The following KIAA1328 variants were observed in gnomAD, a reference collection of about 807,000 sequenced individuals.
KIAA1328 encodes KIAA1328, also known as protein hinderin.
KIAA1328 carries 52 observed loss-of-function variants against 68.1 expected under a neutral mutation model. The observed-to-expected ratio is 0.76, with a 90% CI of 0.61 to 0.96. KIAA1328 has a LOEUF of 0.96. KIAA1328 is among the 40% of genes least tolerant of loss of function. The pLI, the probability that KIAA1328 is intolerant of heterozygous loss-of-function variation, is 0.00. For synonymous variants in KIAA1328, 232 were observed against 239.4 expected (o/e 0.97, Z 0.28); for missense variants, 641 against 677.6 (o/e 0.95, Z 0.60).
At chr18:37,063,583 C>T (rs8086264) in intron 6 of KIAA1328, 159,675 of 962,392 alleles carry the variant, frequency 0.17, 19,310 homozygotes, top group African/African-American at 0.6. Context: ...GTGAGAATCA[C>T]GGGGAGCATC....
At position 37,222,497 on chromosome 18, in the gene KIAA1328, C is replaced by T; in HGVS notation, c.*270C>T. The T allele has an allele frequency of 1.6e-6, 2 of 1,251,312 alleles. No homozygotes were observed. The highest frequency in any genetic ancestry group is 8.0e-5 in the East Asian group (2 of 25,014). The allele number at this position is 1,251,312 out of a possible 1,614,324, so 77.5% of individuals were successfully genotyped here. A position where few individuals can be genotyped will look rare whatever the true frequency, so the allele number is the denominator to read the frequency against. Reference sequence around the variant, plus strand: ...TTAGAAAATTAACATAGGATACTTTCTGCGTGGTGGAAACCATTGCATATT... The same window carrying T: ...TTAGAAAATTAACATAGGATACTTTTTGCGTGGTGGAAACCATTGCATATT... On this transcript the variant is annotated 3_prime_UTR_variant, in exon 10 of 10. Coordinates refer to ENST00000280020, the MANE Select transcript of KIAA1328 (RefSeq NM_020776.3).
intron 4 of KIAA1328, among the ~76,000 whole-genome samples, chr18:36,875,445 A>C (rs1292268829): frequency 6.6e-6 from 1 of 152,098 alleles, no homozygotes; most frequent in East Asian, 1.9e-4. Context: ...ATGGGAGTTC[A>C]CTCATGATTT....
intron 4 of KIAA1328, among the ~76,000 whole-genome samples, chr18:36,868,258 A>C (rs1444051200): frequency 5.9e-5 from 9 of 152,190 alleles, no homozygotes; most frequent in African/African-American, 2.2e-4. Context: ...GGTTTCCCTG[A>C]GGTGTCCAGA....
At chr18:36,895,632 G>A (rs141430124) in intron 5 of KIAA1328, 73 of 379,154 alleles carry the variant, frequency 1.9e-4, no homozygotes, top group African/African-American at 1.3e-3. Flanking sequence ...TGCTATTCTG[G>A]GCTTAGCAAG....
At chr18:36,857,629 A>G (rs1369390835) in intron 4 of KIAA1328, among the ~76,000 whole-genome samples, 1 of 152,194 alleles carries the variant, frequency 6.6e-6, no homozygotes, top group Non-Finnish European at 1.5e-5. Flanking sequence ...TTCCTCATTA[A>G]GAACTCCCCT....
chr18:36,982,537 GAAAA>G (rs1184827359), intron 6 of KIAA1328, among the ~76,000 whole-genome samples: 1 of 149,104 alleles, frequency 6.7e-6, no homozygotes, highest in Non-Finnish European at 1.5e-5. Context: ...TCTATACCCA[GAAAA>G]AAAAACTTTA....
intron 9 of KIAA1328, among the ~76,000 whole-genome samples, chr18:37,206,227 G>T (rs971441836): frequency 2.0e-5 from 3 of 152,094 alleles, no homozygotes; most frequent in Non-Finnish European, 2.9e-5. Context: ...GAATTCTAAG[G>T]TTTGGGATTT....
chr18:37,041,634 TTGTGTTTGTGTGTG>T (rs2151625128), intron 6 of KIAA1328, among the ~76,000 whole-genome samples: 2 of 90,666 alleles, frequency 2.2e-5, no homozygotes, highest in South Asian at 1.0e-3. Flanking sequence ...ACTGCCTTTT[TTGTGTTTGTGTGTG>T]TGTGTGTGTG....
At chr18:36,990,926 G>T (rs1248638776) in intron 6 of KIAA1328, among the ~76,000 whole-genome samples, 1 of 152,088 alleles carries the variant, frequency 6.6e-6, no homozygotes, top group East Asian at 1.9e-4. Context: ...GGCAGCCTTT[G>T]CCTTGCCCTC....
chr18:36,916,984 A>ACAAAG (rs902305043), intron 5 of KIAA1328, among the ~76,000 whole-genome samples: 4 of 152,074 alleles, frequency 2.6e-5, no homozygotes, highest in African/African-American at 9.7e-5. Context: ...ACAAAACAAA[A>ACAAAG]CAAAATTCCC....
chr18:36,927,224 T>C (rs1285979560), intron 5 of KIAA1328, among the ~76,000 whole-genome samples: 4 of 152,270 alleles, frequency 2.6e-5, no homozygotes, highest in Admixed American at 1.3e-4. Context: ...GTGACAAATA[T>C]ACCATGGTAA....
intron 5 of KIAA1328, among the ~76,000 whole-genome samples, chr18:36,924,282 G>A (rs1291028246): frequency 1.3e-5 from 2 of 152,066 alleles, no homozygotes; most frequent in African/African-American, 4.8e-5. Flanking sequence ...TTTGAGGGGT[G>A]AAATCAGTAT....
At chr18:37,218,486 A>G (rs929161136) in intron 9 of KIAA1328, among the ~76,000 whole-genome samples, 1 of 152,200 alleles carries the variant, frequency 6.6e-6, no homozygotes, top group Non-Finnish European at 1.5e-5. Flanking sequence ...ATGGCTGGCA[A>G]TTAAGGAGAC....
intron 9 of KIAA1328, chr18:37,193,725 A>G: frequency 3.1e-6 from 2 of 644,450 alleles, no homozygotes; most frequent in South Asian, 3.4e-5. Context: ...TTAAATACTC[A>G]CTTGTGAGAA....
intron 5 of KIAA1328, among the ~76,000 whole-genome samples, chr18:36,927,118 T>G (rs1598734878): frequency 6.6e-6 from 1 of 152,266 alleles, no homozygotes; most frequent in East Asian, 1.9e-4. Context: ...CCTTCAACAT[T>G]GGGAATCACA....
intron 6 of KIAA1328, among the ~76,000 whole-genome samples, chr18:37,008,383 AACTT>A (rs2053855746): frequency 6.6e-6 from 1 of 152,246 alleles, no homozygotes; most frequent in South Asian, 2.1e-4. Flanking sequence ...GTGTAAACCA[AACTT>A]ACTTGATTTT....
chr18:37,225,048 G>A lies in KIAA1328; in HGVS notation c.*2821G>A, dbSNP rs1234565275. ...GGGACTTTTCTAGAGCACCCCAAAT[G>A]TCATGGGGAGAGAGGGACTCTTTCT... On this transcript the variant is annotated 3_prime_UTR_variant, in exon 10 of 10. Coordinates refer to ENST00000280020, the MANE Select transcript of KIAA1328 (RefSeq NM_020776.3). The A allele has an allele frequency of 6.1e-6, 6 of 985,284 alleles. No individual in the cohort carries two copies. Among genetic ancestry groups the A allele is most frequent in the Non-Finnish European group, 2.4e-6 (2 of 829,934 alleles). The allele number at this position is 985,284 out of a possible 1,614,324, so 61.0% of individuals were successfully genotyped here. A position where few individuals can be genotyped will look rare whatever the true frequency, so the allele number is the denominator to read the frequency against.
At chr18:36,891,545 T>C (rs2048687884) in intron 5 of KIAA1328, among the ~76,000 whole-genome samples, 1 of 152,220 alleles carries the variant, frequency 6.6e-6, no homozygotes, top group Non-Finnish European at 1.5e-5. Context: ...CACTTATGAA[T>C]GAGAACATAA....
chr18:37,153,328 G>A (rs2059078874), intron 7 of KIAA1328, among the ~76,000 whole-genome samples: 1 of 152,082 alleles, frequency 6.6e-6, no homozygotes, highest in Admixed American at 6.6e-5. Flanking sequence ...CCTTGGCTTA[G>A]GGCAACAAAC....
Sources: gnomAD v4.1 joint callset for allele counts (sites outside exome capture counted in the v4.1 genomes callset) on GRCh38, gnomAD v4.1.1 for gene constraint, MANE v1.5 for transcripts, NCBI Gene and HGNC (gene_info 2026-07-23, HGNC 2026-07-21) for gene names.